Variants in TTC28 observed in about 807,000 individuals in gnomAD.
The protein encoded by TTC28 is tetratricopeptide repeat protein 28.
A neutral mutation model predicts 198.0 loss-of-function variants in TTC28; 61 were observed. That is an observed-to-expected ratio of 0.31 (90% CI 0.25 to 0.38). TTC28 has a LOEUF of 0.38. Ranked by LOEUF, TTC28 falls within the 10% of genes least tolerant of loss-of-function variation. The pLI is 1.00. For synonymous variants in TTC28, 1,171 were observed against 1,297.8 expected, an observed-to-expected ratio of 0.90 and a Z score of 2.10; for missense variants, 2,678 against 3,164.0, an observed-to-expected ratio of 0.85 and a Z score of 3.69.
At chr22:28,627,914 A>C (rs1230819372) in intron 2 of TTC28, among the ~76,000 whole-genome samples, 5 of 151,256 alleles carry the variant, frequency 3.3e-5, no homozygotes, top group Admixed American at 1.3e-4. Context: ...GACTTTTATT[A>C]TTATTATTTG....
At chr22:28,586,106 C>T (rs1410564004) in intron 2 of TTC28, among the ~76,000 whole-genome samples, 2 of 151,468 alleles carry the variant, frequency 1.3e-5, no homozygotes, top group African/African-American at 2.4e-5. Context: ...TGGTGAAACC[C>T]CCTCTCTACA....
intron 2 of TTC28, among the ~76,000 whole-genome samples, chr22:28,591,638 C>T (rs907880705): frequency 9.9e-5 from 15 of 152,140 alleles, no homozygotes; most frequent in African/African-American, 3.4e-4. Flanking sequence ...CCCATGTACC[C>T]TTCACCCAGT....
intron 12 of TTC28, among the ~76,000 whole-genome samples, chr22:28,082,701 A>G (rs561742993): frequency 8.5e-5 from 13 of 152,274 alleles, no homozygotes; most frequent in African/African-American, 3.1e-4. Context: ...ATTGGTCTAC[A>G]GTTGTTTTAC....
chr22:28,033,929 C>T (rs957347505), intron 12 of TTC28, among the ~76,000 whole-genome samples: 15 of 151,990 alleles, frequency 9.9e-5, no homozygotes, highest in Admixed American at 6.6e-5. Flanking sequence ...ATCTCTGCAA[C>T]ATGAAAAATA....
At chr22:28,214,814 T>C (rs1927246279) in intron 5 of TTC28, among the ~76,000 whole-genome samples, 1 of 152,206 alleles carries the variant, frequency 6.6e-6, no homozygotes, top group Non-Finnish European at 1.5e-5. Flanking sequence ...ATCATGCTGC[T>C]ATAAAGACAC....
chr22:28,039,111 G>GCGAT, intron 12 of TTC28, among the ~76,000 whole-genome samples: 1 of 152,310 alleles, frequency 6.6e-6, no homozygotes, highest in South Asian at 2.1e-4. Context: ...AGTCAGTGTG[G>GCGAT]CGATTCCTCA....
intron 6 of TTC28, among the ~76,000 whole-genome samples, chr22:28,124,168 T>TG (rs1555919204): frequency 3.4e-5 from 5 of 148,094 alleles, no homozygotes; most frequent in African/African-American, 5.0e-5. Context: ...CTTATCTCTC[T>TG]TTGTTGTTGT....
At chr22:28,073,811 G>A (rs917113684) in intron 12 of TTC28, among the ~76,000 whole-genome samples, 6 of 152,202 alleles carry the variant, frequency 3.9e-5, no homozygotes, top group African/African-American at 1.2e-4. Flanking sequence ...TTACCATCTC[G>A]ACTTGTGGAC....
chr22:28,489,049 T>G (rs2048343861), intron 2 of TTC28, among the ~76,000 whole-genome samples: 1 of 152,188 alleles, frequency 6.6e-6, no homozygotes, highest in African/African-American at 2.4e-5. Flanking sequence ...TTTCAGAGGC[T>G]GGGGGGAAAG....
At chr22:28,549,362 T>C (rs1412107133) in intron 2 of TTC28, among the ~76,000 whole-genome samples, 1 of 152,188 alleles carries the variant, frequency 6.6e-6, no homozygotes, top group Non-Finnish European at 1.5e-5. Flanking sequence ...ACTATTATTG[T>C]CTATTGATCA....
chr22:28,332,521 T>C (rs1425459492), intron 2 of TTC28, among the ~76,000 whole-genome samples: 1 of 152,042 alleles, frequency 6.6e-6, no homozygotes, highest in African/African-American at 2.4e-5. Flanking sequence ...TAATGGCAAA[T>C]GTTAAACTAC....
intron 1 of TTC28, among the ~76,000 whole-genome samples, chr22:28,649,425 G>A (rs1054528137): frequency 6.6e-6 from 1 of 151,938 alleles, no homozygotes; most frequent in African/African-American, 2.4e-5. Flanking sequence ...AAATGATCCA[G>A]TTCCCAGTTT....
At chr22:28,055,293 C>CT (rs1940241985) in intron 12 of TTC28, among the ~76,000 whole-genome samples, 1 of 152,182 alleles carries the variant, frequency 6.6e-6, no homozygotes, top group Non-Finnish European at 1.5e-5. Context: ...AAGCTACACT[C>CT]TGAGTCCTCA....
At chr22:28,043,287 C>T (rs191395919) in intron 12 of TTC28, among the ~76,000 whole-genome samples, 60 of 148,502 alleles carry the variant, frequency 4.0e-4, no homozygotes, top group African/African-American at 1.4e-3. Flanking sequence ...TATTGCCTCC[C>T]TGATTCACAG....
chr22:28,134,171 A>G (rs1943137608), intron 6 of TTC28, among the ~76,000 whole-genome samples: 1 of 152,228 alleles, frequency 6.6e-6, no homozygotes, highest in Non-Finnish European at 1.5e-5. Context: ...AGGAAAACTA[A>G]CAAACAGAAA....
At chr22:28,001,148 T>G (rs956799935) in intron 15 of TTC28, 2 of 518,590 alleles carry the variant, frequency 3.9e-6, no homozygotes, top group African/African-American at 3.8e-5. Flanking sequence ...TGACACAAAC[T>G]GTGGCTTCCC....
chr22:28,283,830 C>G (rs750343617), intron 5 of TTC28, among the ~76,000 whole-genome samples: 9 of 152,148 alleles, frequency 5.9e-5, no homozygotes, highest in Non-Finnish European at 1.0e-4. Context: ...ACTATAGGTG[C>G]ATGCCACTAC....
intron 2 of TTC28, among the ~76,000 whole-genome samples, chr22:28,452,343 T>C (rs773495896): frequency 6.7e-5 from 9 of 134,642 alleles, no homozygotes; most frequent in Non-Finnish European, 1.1e-4. Context: ...TGAGCCGAGA[T>C]TGTGCCACTG....
intron 12 of TTC28, among the ~76,000 whole-genome samples, chr22:28,035,976 C>A (rs1425006467): frequency 6.6e-6 from 1 of 152,144 alleles, no homozygotes; most frequent in Admixed American, 6.5e-5. Flanking sequence ...CAGGAGCATC[C>A]AGATTCACAC....
Sources: gnomAD v4.1 joint callset for allele counts (sites outside exome capture counted in the v4.1 genomes callset) on GRCh38, gnomAD v4.1.1 for gene constraint, MANE v1.5 for transcripts, NCBI Gene and HGNC (gene_info 2026-07-23, HGNC 2026-07-21) for gene names.